The following RBM44 variants were observed in gnomAD, a reference collection of about 807,000 sequenced individuals.
RBM44 encodes RNA binding motif protein 44, also known as RNA-binding protein 44.
Under a neutral mutation model 105.1 loss-of-function variants are expected in RBM44, and 66 were observed. The observed-to-expected ratio is 0.63, with a 90% CI of 0.52 to 0.77. The LOEUF (loss-of-function observed/expected upper bound fraction) is 0.77. Among genes scored for constraint, RBM44 ranks in the 30% least tolerant of loss-of-function variants. RBM44 has a pLI of 0.00. For synonymous variants in RBM44, 365 were observed against 417.6 expected (o/e 0.87, Z 1.54); for missense variants, 1,122 against 1,207.8 (o/e 0.93, Z 1.05).
intron 15 of RBM44, among the ~76,000 whole-genome samples, chr2:237,835,738 G>A (rs2061952459): frequency 6.6e-6 from 1 of 150,900 alleles, no homozygotes; most frequent in Admixed American, 6.7e-5. Flanking sequence ...GGGTTGGTTA[G>A]TTCATGAGGT....
chr2:237,830,194 T>C (rs1309237336), intron 13 of RBM44, among the ~76,000 whole-genome samples: 1 of 152,232 alleles, frequency 6.6e-6, no homozygotes, highest in African/African-American at 2.4e-5. Flanking sequence ...GAAATTATAC[T>C]ATATAGCCCT....
rs1054030009 is a variant in RBM44 at position 237,817,152 on chromosome 2, A to T, written c.233A>T (p.Glu78Val). 16 of 1,607,646 alleles carry T rather than the reference A, an allele frequency of 1.0e-5. No individual in the cohort carries two copies. The highest frequency in any genetic ancestry group is 1.4e-5 in the Non-Finnish European group (16 of 1,177,736). Reference protein sequence around the residue: ...ISNIDKMDLLEPFFSVSQDTN... With the variant: ...ISNIDKMDLLVPFFSVSQDTN... ...AATATTGACAAAATGGATTTATTAG[A>T]GCCATTTTTTTCAGTGAGTCAAGAT... Residue 78 changes from glutamate to valine, a missense_variant, in exon 3 of 16, where the codon GAG (glutamate) becomes GTG (valine). Glu to Val is a moderately radical substitution (Grantham distance 121, BLOSUM62 -2). Coordinates refer to ENST00000316997, the MANE Select transcript of RBM44 (RefSeq NM_001080504.3).
intron 10 of RBM44, among the ~76,000 whole-genome samples, chr2:237,827,037 A>T (rs1559919136): frequency 6.6e-6 from 1 of 152,182 alleles, no homozygotes; most frequent in African/African-American, 2.4e-5. Flanking sequence ...CAGCCTCTTT[A>T]GTTTTTAAGA....
chr2:237,805,973 C>T (rs2061595462), intron 1 of RBM44, among the ~76,000 whole-genome samples: 1 of 152,064 alleles, frequency 6.6e-6, no homozygotes. Context: ...GAACAAGACC[C>T]TGTCTCAAAA....
At chr2:237,812,055 C>G (rs1298130358) in intron 1 of RBM44, among the ~76,000 whole-genome samples, 1 of 151,786 alleles carries the variant, frequency 6.6e-6, no homozygotes, top group Admixed American at 6.6e-5. Context: ...AAGGTCTCAC[C>G]ACGTTACCCA....
At chr2:237,832,717 C>T (rs779873277) in intron 13 of RBM44, among the ~76,000 whole-genome samples, 2 of 152,164 alleles carry the variant, frequency 1.3e-5, no homozygotes, top group Non-Finnish European at 2.9e-5. Context: ...TTCTGATTCT[C>T]AACATTATTA....
Position 237,834,383 on chromosome 2 carries a change from A to C in RBM44, c.3138A>C (p.Lys1046Asn), listed in dbSNP as rs776711313. Residue 1046 changes from lysine (K) to asparagine (N), a missense_variant, in exon 15 of 16, where the codon AAA becomes AAC. Physicochemically the swap from Lys to Asn is moderately conservative, Grantham distance 94. This residue lies in a region of RBM44 where 194 missense variants were observed against 225.5 expected (regional missense o/e 0.86). Transcript: ENST00000316997. Reference sequence around the variant, plus strand: ...TGGAGATGACTTCATCTCTTCTGAAAAACTCTGCTTCCAGTTAGGAATTCA... The same window carrying C: ...TGGAGATGACTTCATCTCTTCTGAACAACTCTGCTTCCAGTTAGGAATTCA... Reference protein sequence around the residue: ...TIVEMTSSLLKNSASS With the variant: ...TIVEMTSSLLNNSASS 7.2e-6 allele frequency: 11 copies of C among 1,526,872 alleles called. No homozygotes were observed. The highest frequency in any genetic ancestry group is 7.9e-6 in the Non-Finnish European group (9 of 1,137,796). 94.6% of individuals were successfully genotyped at this position (1,526,872 alleles called of 1,614,324 possible).
In RBM44 at chr2:237,798,983, G is replaced by C. The variant is rs1034383183; in HGVS notation, c.-19+122G>C. On this transcript the variant is annotated intron_variant, in intron 1 of 15. Coordinates refer to ENST00000316997, the MANE Select transcript of RBM44 (RefSeq NM_001080504.3). This position sits in a 1 kb window ranked among gnomAD's most constrained non-coding sequence, Gnocchi z 4.3. ...GTGGCCGGTCCCGGCGGCGAGGCCCGTCCCGCTGAAGCACGCGGGGACTCC... is the reference window on the plus strand; with the variant it reads ...GTGGCCGGTCCCGGCGGCGAGGCCCCTCCCGCTGAAGCACGCGGGGACTCC... The C allele has an allele frequency of 2.6e-5, 4 of 152,174 alleles. No individual in the cohort carries two copies. Among genetic ancestry groups the C allele is most frequent in the African/African-American group, 7.2e-5 (3 of 41,434 alleles). 9.4% of individuals were successfully genotyped at this position (152,174 alleles called of 1,614,324 possible). A position where few individuals can be genotyped will look rare whatever the true frequency, so the allele number is the denominator to read the frequency against.
Position 237,824,404 on chromosome 2 carries a change from T to G in RBM44, c.2434T>G (p.Leu812Val). ...TCAAGTAGAACAAGACACATGGAAT[T>G]TGGATCTTACAGGAGGTTGGTTCTC... ...GNQVEQDTWN[L>V]DLTGEMKNVE... The change falls in exon 10 of 16, where the codon TTG becomes GTG. Residue 812 changes from leucine to valine, a missense_variant. By Grantham distance (32) the Leu-to-Val change is conservative. Around this residue, in one of 3 missense-constraint regions of RBM44, gnomAD observed 918 missense variants for 955.3 expected, o/e 0.96. Transcript: ENST00000316997. 6.2e-7 allele frequency: 1 copy of G among 1,612,580 alleles called. No individual in the cohort carries two copies. The highest frequency in any genetic ancestry group is 8.5e-7 in the Non-Finnish European group (1 of 1,179,078).
intron 1 of RBM44, among the ~76,000 whole-genome samples, chr2:237,808,837 C>CTATACTTT (rs2061626145): frequency 6.6e-6 from 1 of 152,150 alleles, no homozygotes; most frequent in Admixed American, 6.5e-5. Context: ...TATTAAAACG[C>CTATACTTT]TATACTTTTT....
intron 2 of RBM44, among the ~76,000 whole-genome samples, chr2:237,816,513 A>G (rs1204749417): frequency 3.3e-5 from 5 of 152,192 alleles, no homozygotes; most frequent in Non-Finnish European, 7.4e-5. Context: ...TCAGGCTGCC[A>G]TAACAAAATA....
rs1026379130 is a variant in RBM44 at position 237,798,803 on chromosome 2, G to C, written c.-77G>C. 2 of 152,554 alleles carry C rather than the reference G, an allele frequency of 1.3e-5. No homozygotes were observed. The highest frequency in any genetic ancestry group is 4.8e-5 in the African/African-American group (2 of 41,462). The allele number at this position is 152,554 out of a possible 1,614,324, so 9.5% of individuals were successfully genotyped here. ...CGCCACTGACTCGGAGGCGGCTGCG[G>C]AGAGCGGGGCGCTGGCCCGTGGAGG... On this transcript the variant is annotated 5_prime_UTR_variant, in exon 1 of 16. Coordinates refer to ENST00000316997, the MANE Select transcript of RBM44 (RefSeq NM_001080504.3). This position sits in a 1 kb window ranked among gnomAD's most constrained non-coding sequence, Gnocchi z 4.3.
Position 237,817,217 on chromosome 2 carries a change from G to A in RBM44, c.298G>A (p.Glu100Lys). 6.2e-7 allele frequency: 1 copy of A among 1,602,074 alleles called. No homozygotes were observed. The highest frequency in any genetic ancestry group is 1.3e-5 in the African/African-American group (1 of 74,206). The change falls in exon 3 of 16, where the codon GAA becomes AAA. Residue 100 changes from glutamate to lysine, a missense_variant. Physicochemically the swap from Glu to Lys is moderately conservative, Grantham distance 56. This residue lies in a region of RBM44 where 918 missense variants were observed against 955.3 expected (regional missense o/e 0.96). Transcript: ENST00000316997. ...TACTCAGTTTCAGTCAAGTGAACTT[G>A]AAGACAGTACTGACTATGCTTTCTT... The part of the protein sequence containing the change: ...ESTQFQSSEL[E>K]DSTDYAFLNK...
At position 237,818,268 on chromosome 2, in the gene RBM44, G is replaced by A. The variant is rs777130299; in HGVS notation, c.1349G>A (p.Cys450Tyr). ...TGCTTTCACAATATAGGAGAAATGT[G>A]TACTAAATCATTGACAGATGCAGCA... Reference protein sequence around the residue: ...KTCFHNIGEMCTKSLTDAASC... With the variant: ...KTCFHNIGEMYTKSLTDAASC... The change falls in exon 3 of 16, where the codon TGT becomes TAT. Residue 450 changes from cysteine to tyrosine, a missense_variant. Cys to Tyr is a radical substitution (Grantham distance 194). Transcript: ENST00000316997. The surrounding 1 kb of genome is among the most constrained non-coding windows in gnomAD (Gnocchi z 4.6). 1.4e-5 allele frequency: 22 copies of A among 1,613,116 alleles called. No homozygotes were observed. In the South Asian group the frequency reaches 1.8e-4, roughly 13 times the overall value.
At chr2:237,834,508 TATTAA>T in intron 15 of RBM44, 85 bp downstream of exon 15, 1 of 634,568 alleles carries the variant, frequency 1.6e-6, no homozygotes, top group Non-Finnish European at 2.5e-6. Context: ...ATAAAAAACA[TATTAA>T]ATTTAAAATA....
Position 237,820,255 on chromosome 2 carries a change from C to T in RBM44, c.1817C>T (p.Ala606Val). The T allele has an allele frequency of 6.3e-7, 1 of 1,594,956 alleles. No homozygotes were observed. Among genetic ancestry groups the T allele is most frequent in the Non-Finnish European group, 8.6e-7 (1 of 1,168,094 alleles). The change falls in exon 5 of 16, where the codon GCA becomes GTA. Residue 606 changes from alanine to valine, a missense_variant. Transcript: ENST00000316997. ...AAGATAATGCAGAGAGCCATAAAAGCAGAGCTGCACCTTTTAAATGTTCAC... is the reference window on the plus strand; with the variant it reads ...AAGATAATGCAGAGAGCCATAAAAGTAGAGCTGCACCTTTTAAATGTTCAC... Reference protein sequence around the residue: ...CQKIMQRAIKAELHLLNVHYQ... With the variant: ...CQKIMQRAIKVELHLLNVHYQ...
At chr2:237,825,171 T>C (rs1311269950) in intron 10 of RBM44, among the ~76,000 whole-genome samples, 1 of 152,144 alleles carries the variant, frequency 6.6e-6, no homozygotes, top group Non-Finnish European at 1.5e-5. Flanking sequence ...AATATACATA[T>C]ACAATTTAAA....
chr2:237,805,852 C>A (rs2061594148), intron 1 of RBM44, among the ~76,000 whole-genome samples: 1 of 152,062 alleles, frequency 6.6e-6, no homozygotes, highest in South Asian at 2.1e-4. Context: ...GTAGTCCCAG[C>A]TACTCAAGGG....
At chr2:237,813,471 A>G (rs1214323572) in intron 1 of RBM44, 121 bp from the exon 2 acceptor site, 4 of 553,862 alleles carry the variant, frequency 7.2e-6, no homozygotes, top group Non-Finnish European at 1.3e-5. Flanking sequence ...GACCTAATGC[A>G]TTGGTTTTTT....
Sources: gnomAD v4.1 joint callset for allele counts (sites outside exome capture counted in the v4.1 genomes callset) on GRCh38, gnomAD v4.1.1 for gene constraint, gnomAD v4.1.1 regional missense constraint, Gnocchi (gnomAD v3.1) non-coding constraint, MANE v1.5 for transcripts, NCBI Gene and HGNC (gene_info 2026-07-23, HGNC 2026-07-21) for gene names.